Variants in ASIC2 observed in about 807,000 individuals in gnomAD.
The protein encoded by ASIC2 is acid-sensing ion channel 2.
Under a neutral mutation model 57.3 loss-of-function variants are expected in ASIC2, and 25 were observed. The observed-to-expected ratio is 0.44, with a 90% CI of 0.32 to 0.61. The LOEUF (loss-of-function observed/expected upper bound fraction) is 0.61, where lower values mean the gene tolerates loss of function less well. ASIC2 is among the 20% of genes least tolerant of loss of function. The probability of loss-of-function intolerance (pLI) is 0.06; values close to 1 mark genes in which losing one functional copy is unlikely to be tolerated. For synonymous variants in ASIC2, 319 were observed against 307.5 expected, an observed-to-expected ratio of 1.04 and a Z score of -0.39; for missense variants, 641 against 738.1, an observed-to-expected ratio of 0.87 and a Z score of 1.52.
chr17:33,479,356 AT>A (rs905808444), intron 1 of ASIC2, among the ~76,000 whole-genome samples: 86 of 151,650 alleles, frequency 5.7e-4, no homozygotes, highest in Admixed American at 7.2e-4. Flanking sequence ...AGGGAAAGAG[AT>A]TTTTTTTTAA....
At chr17:33,429,726 C>T (rs916103451) in intron 1 of ASIC2, among the ~76,000 whole-genome samples, 1 of 152,238 alleles carries the variant, frequency 6.6e-6, no homozygotes, top group South Asian at 2.1e-4. Flanking sequence ...AGATCTGAGG[C>T]ATTTTGTTGC....
chr17:33,657,941 T>C (rs1907128282), intron 1 of ASIC2, among the ~76,000 whole-genome samples: 1 of 152,234 alleles, frequency 6.6e-6, no homozygotes, highest in Admixed American at 6.5e-5. Flanking sequence ...GCTGTCTTCT[T>C]CCAACAACTC....
chr17:33,513,682 T>A (rs1466269480), intron 1 of ASIC2, among the ~76,000 whole-genome samples: 1 of 152,214 alleles, frequency 6.6e-6, no homozygotes, highest in Non-Finnish European at 1.5e-5. Context: ...CAAAACCCCA[T>A]GACGTCCTCA....
At chr17:33,139,982 G>T (rs1001411571) in intron 1 of ASIC2, among the ~76,000 whole-genome samples, 16 of 152,238 alleles carry the variant, frequency 1.1e-4, no homozygotes, top group Admixed American at 9.8e-4. Context: ...TCGTAAAGGA[G>T]AATGTGCTAT....
intron 1 of ASIC2, among the ~76,000 whole-genome samples, chr17:33,843,307 A>T (rs1484390187): frequency 6.6e-6 from 1 of 152,090 alleles, no homozygotes; most frequent in Non-Finnish European, 1.5e-5. Context: ...TAAGGAAGGG[A>T]CTCCATCACC....
At chr17:33,349,854 T>C (rs1908088154) in intron 1 of ASIC2, among the ~76,000 whole-genome samples, 1 of 152,214 alleles carries the variant, frequency 6.6e-6, no homozygotes, top group Non-Finnish European at 1.5e-5. Context: ...TCATTCTTTG[T>C]GTCACTTCCA....
chr17:33,707,016 A>G (rs960871210), intron 1 of ASIC2, among the ~76,000 whole-genome samples: 1 of 152,210 alleles, frequency 6.6e-6, no homozygotes, highest in African/African-American at 2.4e-5. Context: ...TTTATTGCAT[A>G]TCTTTATCTT....
chr17:33,908,314 A>T (rs538958428), intron 1 of ASIC2, among the ~76,000 whole-genome samples: 1 of 152,366 alleles, frequency 6.6e-6, no homozygotes, highest in South Asian at 2.1e-4. Context: ...GGACTAAAAA[A>T]TTCCAATGTC....
At chr17:33,469,078 G>T (rs1206828776) in intron 1 of ASIC2, among the ~76,000 whole-genome samples, 2 of 152,228 alleles carry the variant, frequency 1.3e-5, no homozygotes, top group Non-Finnish European at 2.9e-5. Context: ...TGCAAAGTTG[G>T]CAGGATGCTT....
intron 1 of ASIC2, among the ~76,000 whole-genome samples, chr17:33,403,906 A>G (rs1427438796): frequency 6.6e-6 from 1 of 152,226 alleles, no homozygotes; most frequent in Non-Finnish European, 1.5e-5. Flanking sequence ...AGATGGCTTC[A>G]TGAGTCAGTG....
intron 1 of ASIC2, among the ~76,000 whole-genome samples, chr17:33,896,424 G>T (rs1597920731): frequency 1.3e-5 from 2 of 152,254 alleles, no homozygotes; most frequent in East Asian, 1.9e-4. Flanking sequence ...AGTAAGTTCT[G>T]ATTTTGCATA....
chr17:33,336,269 G>T (rs910326755), intron 1 of ASIC2, among the ~76,000 whole-genome samples: 1 of 152,132 alleles, frequency 6.6e-6, no homozygotes. Context: ...GGAAGAGGAA[G>T]GGGCAGTGTC....
At chr17:33,921,673 G>T (rs1915711714) in intron 1 of ASIC2, among the ~76,000 whole-genome samples, 1 of 152,100 alleles carries the variant, frequency 6.6e-6, no homozygotes. Flanking sequence ...TTTAAGGAGG[G>T]AAAAAGATGA....
chr17:34,016,423 C>CAAAAAAAAAAA (rs398041640), intron 1 of ASIC2, among the ~76,000 whole-genome samples: 41 of 41,452 alleles, frequency 9.9e-4, no homozygotes, highest in African/African-American at 2.5e-3. Flanking sequence ...GACTCCGTCT[C>CAAAAAAAAAAA]AAAAAAAAAA....
At chr17:33,503,352 A>AC (rs1315094110) in intron 1 of ASIC2, among the ~76,000 whole-genome samples, 3 of 152,096 alleles carry the variant, frequency 2.0e-5, no homozygotes, top group East Asian at 1.9e-4. Flanking sequence ...CTACTGTCCC[A>AC]CCCCCCTTGC....
intron 1 of ASIC2, among the ~76,000 whole-genome samples, chr17:34,033,575 A>T (rs1433184240): frequency 6.6e-6 from 1 of 152,190 alleles, no homozygotes; most frequent in Admixed American, 6.5e-5. Flanking sequence ...TGAATCCGGG[A>T]GTTGCTTTTT....
chr17:34,008,337 C>T (rs1043693777), intron 1 of ASIC2, among the ~76,000 whole-genome samples: 1 of 152,144 alleles, frequency 6.6e-6, no homozygotes. Flanking sequence ...TTTTAAATCT[C>T]ATACTCTATG....
intron 1 of ASIC2, among the ~76,000 whole-genome samples, chr17:33,498,430 T>A (rs1914005014): frequency 6.6e-6 from 1 of 152,008 alleles, no homozygotes; most frequent in African/African-American, 2.4e-5. Flanking sequence ...GGCTCTTGGG[T>A]GAGTGAGTGT....
chr17:33,214,398 T>C (rs1162571087), intron 1 of ASIC2, among the ~76,000 whole-genome samples: 2 of 152,218 alleles, frequency 1.3e-5, no homozygotes, highest in South Asian at 2.1e-4. Flanking sequence ...TCTAAGGGAA[T>C]AGGTGAATCT....
Sources: allele counts gnomAD v4.1 joint callset (sites outside exome capture counted in the v4.1 genomes callset), GRCh38; gene constraint gnomAD v4.1.1; transcripts MANE v1.5; gene names NCBI Gene and HGNC (gene_info 2026-07-23, HGNC 2026-07-21).